The following SLC38A7 variants were observed in gnomAD, a reference collection of about 807,000 sequenced individuals.
The protein encoded by SLC38A7 is sodium-coupled neutral amino acid transporter 7.
In SLC38A7, 29 loss-of-function variants were observed where a neutral mutation model predicts 50.1. That is an observed-to-expected ratio of 0.58 (90% CI 0.43 to 0.79). The LOEUF (loss-of-function observed/expected upper bound fraction) is 0.79, where lower values mean the gene tolerates loss of function less well. Among genes scored for constraint, SLC38A7 ranks in the 30% least tolerant of loss-of-function variants. The pLI, the probability that SLC38A7 is intolerant of heterozygous loss-of-function variation, is 0.00. For synonymous variants in SLC38A7, 244 were observed against 245.9 expected (o/e 0.99, Z 0.07); for missense variants, 483 against 610.6 (o/e 0.79, Z 2.20).
At chr16:58,680,718 G>C (rs2044371868) in intron 2 of SLC38A7, among the ~76,000 whole-genome samples, 1 of 152,118 alleles carries the variant, frequency 6.6e-6, no homozygotes. Context: ...CAAGAACTGA[G>C]ATTCAACATA....
In SLC38A7 at chr16:58,668,133, C is replaced by T. The variant is rs370946734; in HGVS notation, c.1287-646G>A. Reference sequence around the variant, plus strand: ...CCTGGGCAAGATGGCGAAACCCCATCTCTACTAAAAATAGAAAAATTAGGC... The same window carrying T: ...CCTGGGCAAGATGGCGAAACCCCATTTCTACTAAAAATAGAAAAATTAGGC... On this transcript the variant is annotated intron_variant, in intron 11 of 11. Transcript: ENST00000219320. 2.2e-4 allele frequency among the ~76,000 whole-genome samples: 33 copies of T among 151,974 alleles called. No individual in the cohort carries two copies. In the East Asian group the frequency reaches 5.4e-3, roughly 25 times the overall value.
rs776577318 is a variant in SLC38A7 at position 58,671,118 on chromosome 16, G to A, written c.1158C>T (p.Leu386=). Residue 386 remains leucine (L), a synonymous_variant, in exon 10 of 12, where the codon CTC becomes CTT. Coordinates refer to ENST00000219320, the MANE Select transcript of SLC38A7 (RefSeq NM_018231.3). ...TCACCTTGCCGATGTCAGGGATGAAGAGCGCCAGCAGCAGGGTGAGCAGGA... is the reference window on the plus strand; with the variant it reads ...TCACCTTGCCGATGTCAGGGATGAAAAGCGCCAGCAGCAGGGTGAGCAGGA... ...VWFLLTLLLA[L]FIPDIGKVIS... is the part of the protein sequence containing the mutation. 1.1e-5 allele frequency: 17 copies of A among 1,613,956 alleles called. No homozygotes were observed. In the Admixed American group the frequency reaches 2.5e-4, roughly 24 times the overall value.
At chr16:58,669,425 T>C (rs2033268160) in intron 11 of SLC38A7, among the ~76,000 whole-genome samples, 1 of 152,022 alleles carries the variant, frequency 6.6e-6, no homozygotes, top group South Asian at 2.1e-4. Flanking sequence ...GAAACCACTT[T>C]TCATAAAACA....
At chr16:58,682,918 G>A (rs927375397) in intron 2 of SLC38A7, among the ~76,000 whole-genome samples, 10 of 147,170 alleles carry the variant, frequency 6.8e-5, no homozygotes, top group Non-Finnish European at 1.0e-4. Context: ...GAGCCACCAC[G>A]CCTGGCCAAC....
At chr16:58,676,142 G>A in intron 7 of SLC38A7, 88 bp from the exon 8 acceptor site, 2 of 1,549,854 alleles carry the variant, frequency 1.3e-6, no homozygotes, top group Non-Finnish European at 8.9e-7. Flanking sequence ...AAGACCCCAG[G>A]AACAAGGGGC....
chr16:58,667,892 G>A (rs8052323), intron 11 of SLC38A7, among the ~76,000 whole-genome samples: 32,210 of 152,170 alleles, frequency 0.21, 4,905 homozygotes, highest in African/African-American at 0.43. Flanking sequence ...ATTTCCGGCC[G>A]GGTGTGGTGG....
In SLC38A7 at chr16:58,667,208, A is replaced by T. The variant is rs1192864576; in HGVS notation, c.*177T>A. 1.1e-5 allele frequency: 6 copies of T among 569,596 alleles called. No individual in the cohort carries two copies. The highest frequency in any genetic ancestry group is 2.4e-5 in the South Asian group (1 of 41,748). The allele number at this position is 569,596 out of a possible 1,614,324, so 35.3% of individuals were successfully genotyped here. A position where few individuals can be genotyped will look rare whatever the true frequency, so the allele number is the denominator to read the frequency against. On this transcript the variant is annotated 3_prime_UTR_variant, in exon 12 of 12. Coordinates refer to ENST00000219320, the MANE Select transcript of SLC38A7 (RefSeq NM_018231.3). ...GCCAGGACTGGGGAGCAGGAAGGGG[A>T]CTGGATTTGAGCTGTCCAGAGGTGT...
chr16:58,680,690 C>T (rs2044371142), intron 2 of SLC38A7, among the ~76,000 whole-genome samples: 1 of 152,146 alleles, frequency 6.6e-6, no homozygotes, highest in Admixed American at 6.5e-5. Context: ...CCCACAGGGT[C>T]CCAAAAGGAC....
chr16:58,678,863 A>G lies in SLC38A7; in HGVS notation c.302T>C (p.Val101Ala). 1 of 1,613,992 alleles carries G rather than the reference A, an allele frequency of 6.2e-7. No individual in the cohort carries two copies. The highest frequency in any genetic ancestry group is 8.5e-7 in the Non-Finnish European group (1 of 1,180,016). Residue 101 changes from valine to alanine, a missense_variant, in exon 4 of 12, where the codon GTC becomes GCC. By Grantham distance (64) the Val-to-Ala change is moderately conservative. Transcript: ENST00000219320. The surrounding 1 kb of genome is among the most constrained non-coding windows in gnomAD (Gnocchi z 4.0). ...GMLVFIISGL[V>A]ILAYCSQASN... is the part of the protein sequence containing the mutation. Reference sequence around the variant, plus strand: ...GGCCTGGGAGCAGTAGGCCAGGATGACAAGGCCACTGATGATGAAAACCAG... The same window carrying G: ...GGCCTGGGAGCAGTAGGCCAGGATGGCAAGGCCACTGATGATGAAAACCAG...
chr16:58,673,657 C>T (rs2044201629), intron 8 of SLC38A7, among the ~76,000 whole-genome samples: 1 of 147,818 alleles, frequency 6.8e-6, no homozygotes, highest in Non-Finnish European at 1.5e-5. Flanking sequence ...AGCCCCAGTG[C>T]CTGGCCGTTT....
chr16:58,676,960 CT>C (rs35302965), intron 6 of SLC38A7, among the ~76,000 whole-genome samples: 28 of 150,468 alleles, frequency 1.9e-4, no homozygotes, highest in East Asian at 1.8e-3. Flanking sequence ...GGCCCCCCCC[CT>C]TTTTTTTTAA....
intron 2 of SLC38A7, among the ~76,000 whole-genome samples, chr16:58,683,258 C>T (rs2044430033): frequency 1.3e-5 from 2 of 152,202 alleles, no homozygotes; most frequent in Non-Finnish European, 2.9e-5. Flanking sequence ...ACCATTGGGC[C>T]ACCCTCTCTG....
chr16:58,675,937 C>T lies in SLC38A7; in HGVS notation c.883+3G>A, dbSNP rs747289144. On this transcript the variant is annotated splice_donor_region_variant and intron_variant, in intron 8 of 11. Coordinates refer to ENST00000219320, the MANE Select transcript of SLC38A7 (RefSeq NM_018231.3). ...CCAGGTCTTGGGGGGGGGGAGCACT[C>T]ACCTGTCCCCATGTAGACAGCGAGG... The T allele has an allele frequency of 6.9e-6, 11 of 1,602,804 alleles. No individual in the cohort carries two copies. The highest frequency in any genetic ancestry group is 6.8e-5 in the Admixed American group (4 of 59,256).
Position 58,666,610 on chromosome 16 carries a change from C to T in SLC38A7, c.*775G>A, listed in dbSNP as rs1288619099. On this transcript the variant is annotated 3_prime_UTR_variant, in exon 12 of 12. Coordinates refer to ENST00000219320, the MANE Select transcript of SLC38A7 (RefSeq NM_018231.3). ...CATCTCAGACACAAAAGCAGATACT[C>T]CCAACCTTATGGGGAAAGCTAACGG... is the stretch of plus-strand genomic sequence containing the variant. 6.5e-6 allele frequency: 1 copy of T among 152,824 alleles called. No homozygotes were observed. The highest frequency in any genetic ancestry group is 2.4e-5 in the African/African-American group (1 of 41,444). 9.5% of individuals were successfully genotyped at this position (152,824 alleles called of 1,614,324 possible). A position where few individuals can be genotyped will look rare whatever the true frequency, so the allele number is the denominator to read the frequency against.
Position 58,667,325 on chromosome 16 carries a change from T to C in SLC38A7, c.*60A>G. Reference sequence around the variant, plus strand: ...CGTGGACTAAGAATGGCCCCATAGCTCTAAGAGATGGGTTCCTGCGACCAA... The same window carrying C: ...CGTGGACTAAGAATGGCCCCATAGCCCTAAGAGATGGGTTCCTGCGACCAA... On this transcript the variant is annotated 3_prime_UTR_variant, in exon 12 of 12. Coordinates refer to ENST00000219320, the MANE Select transcript of SLC38A7 (RefSeq NM_018231.3). The C allele has an allele frequency of 6.5e-7, 1 of 1,531,448 alleles. No homozygotes were observed. The highest frequency in any genetic ancestry group is 9.0e-7 in the Non-Finnish European group (1 of 1,105,736). 94.9% of individuals were successfully genotyped at this position (1,531,448 alleles called of 1,614,324 possible).
Position 58,675,171 on chromosome 16 carries a change from T to C in SLC38A7, c.883+769A>G, listed in dbSNP as rs1261365577. ...TGGGCCTTCTCTGAGAAGAACCTTC[T>C]GTGAACCACTCCCAAAGCCACCCAT... On this transcript the variant is annotated intron_variant, in intron 8 of 11. Coordinates refer to ENST00000219320, the MANE Select transcript of SLC38A7 (RefSeq NM_018231.3). The C allele has an allele frequency of 1.6e-5, 4 of 243,550 alleles. No homozygotes were observed. The Admixed American group carries it at 2.0e-4, about 12-fold the overall frequency. The allele number at this position is 243,550 out of a possible 1,614,324, so 15.1% of individuals were successfully genotyped here.
intron 11 of SLC38A7, 91 bp downstream of exon 11, chr16:58,670,022 C>G: frequency 9.0e-7 from 1 of 1,114,918 alleles, no homozygotes; most frequent in Non-Finnish European, 1.3e-6. Flanking sequence ...AGTACACAAG[C>G]CTCTGACTCC....
chr16:58,679,946 C>T lies in SLC38A7; in HGVS notation c.181G>A (p.Val61Ile), dbSNP rs372554338. The change falls in exon 3 of 12, where the codon GTC becomes ATC. Residue 61 changes from valine (V) to isoleucine (I), a missense_variant. Physicochemically the swap from Val to Ile is conservative, Grantham distance 29. Transcript: ENST00000219320. ...AACCCTGCACCCAGGCACGCGTTGA[C>T]GACGATGAAGATGGCCCCAAGTGTG... is the stretch of plus-strand genomic sequence containing the variant. ...TSTLGAIFIV[V>I]NACLGAGLLN... The T allele has an allele frequency of 6.6e-5, 106 of 1,611,572 alleles. No individual in the cohort carries two copies. The East Asian group carries it at 7.4e-4, about 11-fold the overall frequency.
chr16:58,679,173 C>G (rs989890092), intron 3 of SLC38A7, among the ~76,000 whole-genome samples: 1 of 152,210 alleles, frequency 6.6e-6, no homozygotes, highest in Non-Finnish European at 1.5e-5. Flanking sequence ...AGGAGGATCA[C>G]TTGAAGTCAG....
Sources: allele counts gnomAD v4.1 joint callset (sites outside exome capture counted in the v4.1 genomes callset), GRCh38; gene constraint gnomAD v4.1.1; non-coding constraint Gnocchi (gnomAD v3.1); transcripts MANE v1.5; gene names NCBI Gene and HGNC (gene_info 2026-07-23, HGNC 2026-07-21).